The following NAV1 variants were observed in gnomAD, a reference collection of about 807,000 sequenced individuals.
NAV1 encodes the protein neuron navigator 1.
Under a neutral mutation model 175.2 loss-of-function variants are expected in NAV1, and 18 were observed. The ratio of observed to expected loss-of-function variants is 0.10; its 90% CI spans 0.07 to 0.15. The LOEUF (loss-of-function observed/expected upper bound fraction) is 0.15. Among genes scored for constraint, NAV1 ranks in the 10% least tolerant of loss-of-function variants. The pLI, the probability that NAV1 is intolerant of heterozygous loss-of-function variation, is 1.00. For synonymous variants in NAV1, 897 were observed against 978.7 expected (o/e 0.92, Z 1.56); for missense variants, 1,731 against 2,436.6 (o/e 0.71, Z 6.10).
At position 201,629,312 on chromosome 1, in the gene NAV1, C is replaced by T. The variant is rs755017104; in HGVS notation, c.-100-92C>T. 8.9e-6 allele frequency: 8 copies of T among 898,246 alleles called. No individual in the cohort carries two copies. In the Admixed American group the frequency reaches 1.4e-4, roughly 16 times the overall value. 55.6% of individuals were successfully genotyped at this position (898,246 alleles called of 1,614,324 possible). A position where few individuals can be genotyped will look rare whatever the true frequency, so the allele number is the denominator to read the frequency against. ...GCAGGGCACTATCAGAGAAGAAGAA[C>T]CAAGTTCTAAGAGGGTTTTCTTAGC... is the stretch of plus-strand genomic sequence containing the variant. On this transcript the variant is annotated intron_variant, in intron 1 of 29. Coordinates refer to the NAV1 transcript ENST00000367302.
intron 2 of NAV1, among the ~76,000 whole-genome samples, chr1:201,589,123 C>T (rs568132659): frequency 7.2e-5 from 11 of 152,344 alleles, no homozygotes; most frequent in African/African-American, 2.6e-4. Context: ...GCTGGGATTA[C>T]AGGCATGAGC....
intron 3 of NAV1, among the ~76,000 whole-genome samples, chr1:201,753,747 G>A (rs1674281646): frequency 1.3e-5 from 2 of 152,178 alleles, no homozygotes; most frequent in Admixed American, 1.3e-4. Flanking sequence ...AGCTGTGCTA[G>A]GCAAACTCCA....
At chr1:201,659,639 A>C (rs1042600474) in intron 1 of NAV1, among the ~76,000 whole-genome samples, 3 of 152,206 alleles carry the variant, frequency 2.0e-5, no homozygotes, top group African/African-American at 7.2e-5. Context: ...ATGAATAATA[A>C]ATAAAATAAA....
intron 3 of NAV1, among the ~76,000 whole-genome samples, chr1:201,761,349 G>A (rs758850695): frequency 1.1e-4 from 16 of 152,182 alleles, no homozygotes; most frequent in Non-Finnish European, 2.1e-4. Context: ...TTCATTCCGC[G>A]AAGAGAGAGT....
intron 1 of NAV1, among the ~76,000 whole-genome samples, chr1:201,563,631 C>A (rs1368110086): frequency 6.6e-6 from 1 of 152,092 alleles, no homozygotes; most frequent in Non-Finnish European, 1.5e-5. Flanking sequence ...CTTCTCTGAG[C>A]CTCAGTTTTC....
chr1:201,648,569 C>T (rs1669062900), exon 1 of NAV1: 10 of 1,261,350 alleles, frequency 7.9e-6, no homozygotes, highest in South Asian at 3.3e-5. Flanking sequence ...TCTCTCTCCC[C>T]CTCCTCCTCC....
intron 1 of NAV1, among the ~76,000 whole-genome samples, chr1:201,670,380 CAAAAAAAAAAAAAAAAA>C (rs58216500): frequency 2.5e-4 from 3 of 12,170 alleles, no homozygotes; most frequent in African/African-American, 5.6e-4. Context: ...GACTCCATCT[CAAAAAAAAAAAAAAAAA>C]AAAAAAAAAA....
chr1:201,696,290 C>T (rs1485464635), intron 1 of NAV1, among the ~76,000 whole-genome samples: 1 of 152,184 alleles, frequency 6.6e-6, no homozygotes, highest in Non-Finnish European at 1.5e-5. Flanking sequence ...GCATTGGAAT[C>T]GGGCGGAAGA....
chr1:201,761,790 G>A (rs1674862097), intron 3 of NAV1, among the ~76,000 whole-genome samples: 1 of 152,146 alleles, frequency 6.6e-6, no homozygotes. Context: ...CGTACAAGCA[G>A]TACGAATGCT....
intron 1 of NAV1, among the ~76,000 whole-genome samples, chr1:201,703,344 C>T (rs138376234): frequency 1.3e-5 from 2 of 152,210 alleles, no homozygotes; most frequent in African/African-American, 4.8e-5. Context: ...GAGCCCAGCC[C>T]GGAAGTCCAA....
chr1:201,643,064 G>A (rs934309531), intron 2 of NAV1, among the ~76,000 whole-genome samples: 14 of 151,310 alleles, frequency 9.3e-5, no homozygotes, highest in Admixed American at 2.0e-4. Context: ...GTGAGCCACC[G>A]TGCCTGGCCT....
intron 3 of NAV1, among the ~76,000 whole-genome samples, chr1:201,725,515 A>G (rs1001467091): frequency 2.6e-5 from 4 of 152,100 alleles, no homozygotes; most frequent in Non-Finnish European, 5.9e-5. Flanking sequence ...GCACGTGCCT[A>G]TGGATAGTCT....
intron 2 of NAV1, among the ~76,000 whole-genome samples, chr1:201,591,954 G>T (rs888128765): frequency 6.6e-6 from 1 of 152,200 alleles, no homozygotes; most frequent in Admixed American, 6.5e-5. Flanking sequence ...GAGCAACCCT[G>T]CTCAGGGTCT....
At chr1:201,587,543 A>G (rs1667071160) in intron 1 of NAV1, among the ~76,000 whole-genome samples, 1 of 152,014 alleles carries the variant, frequency 6.6e-6, no homozygotes, top group African/African-American at 2.4e-5. Context: ...AAAATTAGCC[A>G]GGCATGGTGG....
At chr1:201,739,881 C>T in intron 3 of NAV1, 1 of 1,284,716 alleles carries the variant, frequency 7.8e-7, no homozygotes, top group Non-Finnish European at 9.9e-7. Flanking sequence ...GAAAAGGGAG[C>T]GGAGGGCAGG....
At chr1:201,552,507 A>C (rs1362599034) in intron 1 of NAV1, among the ~76,000 whole-genome samples, 1 of 151,752 alleles carries the variant, frequency 6.6e-6, no homozygotes, top group Non-Finnish European at 1.5e-5. Flanking sequence ...TTGGGCTCTG[A>C]CGCATGTGGG....
intron 1 of NAV1, among the ~76,000 whole-genome samples, chr1:201,653,104 A>G (rs367824702): frequency 6.6e-6 from 1 of 152,216 alleles, no homozygotes; most frequent in Non-Finnish European, 1.5e-5. Context: ...TATTACTTTC[A>G]TGTGATCATA....
chr1:201,783,275 C>G, intron 6 of NAV1, 131 bp from the exon 11 acceptor site: 1 of 945,888 alleles, frequency 1.1e-6, no homozygotes, highest in South Asian at 1.6e-5. Flanking sequence ...TATTTCACAA[C>G]AGCATTAGGA....
chr1:201,664,686 G>A (rs1015413476), intron 1 of NAV1, among the ~76,000 whole-genome samples: 6 of 152,174 alleles, frequency 3.9e-5, no homozygotes, highest in South Asian at 2.1e-4. Flanking sequence ...ACAACCCACT[G>A]GTTGGTTGGA....
Sources: gnomAD v4.1 joint callset for allele counts (sites outside exome capture counted in the v4.1 genomes callset) on GRCh38, gnomAD v4.1.1 for gene constraint, MANE v1.5 for transcripts, NCBI Gene and HGNC (gene_info 2026-07-23, HGNC 2026-07-21) for gene names.